The following PCED1A variants were observed in gnomAD, a reference collection of about 807,000 sequenced individuals.
PCED1A encodes PC-esterase domain-containing protein 1A.
A neutral mutation model predicts 41.9 loss-of-function variants in PCED1A; 20 were observed. The ratio of observed to expected loss-of-function variants is 0.48; its 90% CI spans 0.34 to 0.69. The LOEUF is 0.69. Among genes scored for constraint, PCED1A ranks in the 30% least tolerant of loss-of-function variants. The pLI is 0.01. For synonymous variants in PCED1A, 236 were observed against 241.3 expected (o/e 0.98, Z 0.20); for missense variants, 498 against 602.1 (o/e 0.83, Z 1.81).
chr20:2,835,440 C>A lies in PCED1A; in HGVS notation c.*22G>T. On this transcript the variant is annotated 3_prime_UTR_variant, in exon 8 of 8. Coordinates refer to ENST00000360652, the MANE Select transcript of PCED1A (RefSeq NM_022760.6). Reference sequence around the variant, plus strand: ...GGCCCTGAAGGGCCATTGGCACATCCAGTCCCAGCCCAAGATCCAGTCTAC... The same window carrying A: ...GGCCCTGAAGGGCCATTGGCACATCAAGTCCCAGCCCAAGATCCAGTCTAC... The A allele has an allele frequency of 6.3e-7, 1 of 1,588,720 alleles. No individual in the cohort carries two copies. The highest frequency in any genetic ancestry group is 1.1e-5 in the South Asian group (1 of 87,752).
rs367705988 is a variant in PCED1A, at chr20:2,839,745, G to A, written c.124+44C>T. The A allele has an allele frequency of 1.8e-4, 283 of 1,606,972 alleles. 2 individuals are homozygous for A. The Middle Eastern group carries it at 2.6e-3, about 15-fold the overall frequency. On this transcript the variant is annotated intron_variant, in intron 2 of 7. Coordinates refer to ENST00000360652, the MANE Select transcript of PCED1A (RefSeq NM_022760.6). ...ATGGTCCAGACACACTGAACGGGCT[G>A]CAAGGTGTGGGACTGGAAGCGTCAC...
At chr20:2,839,989 T>A in intron 1 of PCED1A, 56 bp from the exon 2 acceptor site, 1 of 1,526,020 alleles carries the variant, frequency 6.6e-7, no homozygotes, top group Non-Finnish European at 8.8e-7. Context: ...CAGGTCAGCC[T>A]CAGGGCTAGC....
Position 2,835,557 on chromosome 20 carries a change from G to A in PCED1A, c.1270C>T (p.Pro424Ser), listed in dbSNP as rs371156741. 8.6e-5 allele frequency: 138 copies of A among 1,613,936 alleles called. No individual in the cohort carries two copies. The highest frequency in any genetic ancestry group is 1.1e-4 in the Non-Finnish European group (130 of 1,179,992). The part of the protein sequence containing the change: ...SPYHVRRMGG[P>S]CRQRLRHSER... The stretch of plus-strand genomic sequence containing the variant: ...GAGTGTCTGAGCCGCTGCCTGCAGG[G>A]CCCCCCCATTCTCCGCACATGGTAG... The change falls in exon 8 of 8, where the codon CCC becomes TCC. Residue 424 changes from proline to serine, a missense_variant. Around this residue, in one of 2 missense-constraint regions of PCED1A, gnomAD observed 245 missense variants for 232.4 expected, o/e 1.05. Coordinates refer to ENST00000360652, the MANE Select transcript of PCED1A (RefSeq NM_022760.6).
At chr20:2,840,090 G>A (rs2088928817) in intron 1 of PCED1A, 121 bp downstream of exon 1, 1 of 720,742 alleles carries the variant, frequency 1.4e-6, no homozygotes, top group South Asian at 2.3e-5. Flanking sequence ...ACCAGAGGCA[G>A]GGGGTCGTCC....
chr20:2,836,107 T>C lies in PCED1A; in HGVS notation c.1049A>G (p.Gln350Arg). ...LPQDTPFFPG[Q>R]PFPPHEFFNY... ...GAAGAATTCATGGGGTGGGAAGGGC[T>C]GGCCTGGGAAAAAAGGGGTATCCTG... The change falls in exon 7 of 8, where the codon CAG becomes CGG. Residue 350 changes from glutamine (Q) to arginine (R), a missense_variant. Around this residue, in one of 2 missense-constraint regions of PCED1A, gnomAD observed 245 missense variants for 232.4 expected, o/e 1.05. Coordinates refer to ENST00000360652, the MANE Select transcript of PCED1A (RefSeq NM_022760.6). 4 of 1,469,128 alleles carry C rather than the reference T, an allele frequency of 2.7e-6. No homozygotes were observed. The highest frequency in any genetic ancestry group is 3.6e-6 in the Non-Finnish European group (4 of 1,104,482). The allele number at this position is 1,469,128 out of a possible 1,614,324, so 91.0% of individuals were successfully genotyped here.
intron 6 of PCED1A, among the ~76,000 whole-genome samples, chr20:2,837,831 C>T (rs1022341029): frequency 1.3e-5 from 2 of 152,278 alleles, no homozygotes; most frequent in Admixed American, 1.3e-4. Context: ...TGACTGTACC[C>T]CCACCCCCCA....
intron 7 of PCED1A, 50 bp downstream of exon 7, chr20:2,835,989 G>A (rs898702235): frequency 1.4e-6 from 2 of 1,455,598 alleles, no homozygotes; most frequent in Admixed American, 2.8e-5. Context: ...GGCATAGGAG[G>A]CTGGGTAAGG....
intron 7 of PCED1A, 87 bp downstream of exon 7, chr20:2,835,952 G>A: frequency 6.9e-7 from 1 of 1,449,190 alleles, no homozygotes; most frequent in Non-Finnish European, 9.1e-7. Flanking sequence ...GGCACAAGGA[G>A]CTACCCAACT....
Position 2,838,395 on chromosome 20 carries a change from A to G in PCED1A, c.678T>C (p.Phe226=). 6.2e-7 allele frequency: 1 copy of G among 1,614,224 alleles called. No homozygotes were observed. The highest frequency in any genetic ancestry group is 8.5e-7 in the Non-Finnish European group (1 of 1,180,036). Residue 226 remains phenylalanine, a synonymous_variant, in exon 6 of 8, where the codon TTT becomes TTC. Transcript: ENST00000360652. The surrounding 1 kb of genome is among the most constrained non-coding windows in gnomAD (Gnocchi z 5.8). ...AGTGAAAGTGGAGGTCTAGGACATC[A>G]AAGCAGTGGTCCCCGGCCAGCGTAG... is the stretch of plus-strand genomic sequence containing the variant. The part of the protein sequence containing the change: ...YSATLAGDHC[F]DVLDLHFHFR...
chr20:2,836,252 G>A lies in PCED1A; in HGVS notation c.904C>T (p.Pro302Ser). The A allele has an allele frequency of 1.9e-6, 3 of 1,614,136 alleles. No individual in the cohort carries two copies. Among genetic ancestry groups the A allele is most frequent in the Admixed American group, 1.7e-5 (1 of 60,016 alleles). The change falls in exon 7 of 8, where the codon CCA becomes TCA. Residue 302 changes from proline (P) to serine (S), a missense_variant. Coordinates refer to ENST00000360652, the MANE Select transcript of PCED1A (RefSeq NM_022760.6). The stretch of plus-strand genomic sequence containing the variant: ...AAGGCCAGGTGCTCCCCGAAGTCTG[G>A]GGTCTGCCTATGGCTTCCCTGGAAT... ...HPFQGSHRQTPDFGEHLALLP... is the reference protein window; with the variant it reads ...HPFQGSHRQTSDFGEHLALLP...
At position 2,839,085 on chromosome 20, in the gene PCED1A, A is replaced by AGGGGGCCCC; in HGVS notation, c.205-4_205-3insGGGGCCCCC. 1 of 491,572 alleles carries AGGGGGCCCC rather than the reference A, an allele frequency of 2.0e-6. No individual in the cohort carries two copies. 30.5% of individuals were successfully genotyped at this position (491,572 alleles called of 1,614,324 possible). A position where few individuals can be genotyped will look rare whatever the true frequency, so the allele number is the denominator to read the frequency against. The stretch of plus-strand genomic sequence containing the variant: ...TCCTGTTCAAAGCTCAGCTCCCCCT[A>AGGGGGCCCC]CCCACCCCCCCCACCCTACTGGTCA... On this transcript the variant is annotated splice_region_variant and splice_polypyrimidine_tract_variant and intron_variant, in intron 3 of 7. Transcript: ENST00000360652.
At position 2,835,465 on chromosome 20, in the gene PCED1A, C is replaced by T. The variant is rs1275711888; in HGVS notation, c.1362G>A (p.Gly454=). Residue 454 remains glycine (G), a synonymous_variant, in exon 8 of 8, where the codon GGG becomes GGA. Coordinates refer to ENST00000360652, the MANE Select transcript of PCED1A (RefSeq NM_022760.6). ...RPPAHSGTWP[G] is the part of the protein sequence containing the mutation. ...CAGTCCCAGCCCAAGATCCAGTCTA[C>T]CCAGGCCATGTCCCCGAATGGGCAG... 1 of 1,608,080 alleles carries T rather than the reference C, an allele frequency of 6.2e-7. No individual in the cohort carries two copies. Among genetic ancestry groups the T allele is most frequent in the East Asian group, 2.2e-5 (1 of 44,744 alleles).
At chr20:2,840,105 A>G in intron 1 of PCED1A, 106 bp downstream of exon 1, 1 of 614,274 alleles carries the variant, frequency 1.6e-6, no homozygotes, top group Non-Finnish European at 2.6e-6. Flanking sequence ...TCGTCCAGCC[A>G]GCAGGCCTCC....
rs1413209901 is a variant in PCED1A at position 2,835,359 on chromosome 20, C to A, written c.*103G>T. 2 of 1,403,492 alleles carry A rather than the reference C, an allele frequency of 1.4e-6. No homozygotes were observed. Among genetic ancestry groups the A allele is most frequent in the African/African-American group, 2.9e-5 (2 of 68,518 alleles). The allele number at this position is 1,403,492 out of a possible 1,614,324, so 86.9% of individuals were successfully genotyped here. A position where few individuals can be genotyped will look rare whatever the true frequency, so the allele number is the denominator to read the frequency against. On this transcript the variant is annotated 3_prime_UTR_variant, in exon 8 of 8. Transcript: ENST00000360652. ...TGCCTTTATTGGTGACAGCAATGGA[C>A]AAGAACAATACCAGGCATAGCAGAC... is the stretch of plus-strand genomic sequence containing the variant.
chr20:2,839,895 C>G lies in PCED1A; in HGVS notation c.18G>C (p.Ser6=), dbSNP rs202078370. Residue 6 remains serine (S), a synonymous_variant, in exon 2 of 8, where the codon TCG becomes TCC. Transcript: ENST00000360652. ...GCAGCGGGCGGCGCGGCTCCTCGCT[C>G]GACAGACAGAAGACCATGCCGCCAC... MVFCL[S]SEEPRRPLRS... The G allele has an allele frequency of 9.3e-6, 15 of 1,613,024 alleles. No individual in the cohort carries two copies. In the East Asian group the frequency reaches 3.1e-4, roughly 34 times the overall value.
chr20:2,839,738 A>C lies in PCED1A; in HGVS notation c.124+51T>G, dbSNP rs769282570. On this transcript the variant is annotated intron_variant, in intron 2 of 7. Transcript: ENST00000360652. ...GAAACAAATGGTCCAGACACACTGA[A>C]CGGGCTGCAAGGTGTGGGACTGGAA... 1.0e-5 allele frequency: 16 copies of C among 1,603,180 alleles called. No individual in the cohort carries two copies. The Admixed American group carries it at 2.7e-4, about 27-fold the overall frequency.
chr20:2,839,583 G>C (rs1254432324), intron 2 of PCED1A, among the ~76,000 whole-genome samples: 1 of 152,204 alleles, frequency 6.6e-6, no homozygotes, highest in African/African-American at 2.4e-5. Flanking sequence ...GAGAAATGCT[G>C]AGCAAGGATG....
intron 1 of PCED1A, 119 bp downstream of exon 1, chr20:2,840,092 G>A: frequency 4.3e-6 from 3 of 693,612 alleles, no homozygotes; most frequent in East Asian, 3.3e-5. Flanking sequence ...CAGAGGCAGG[G>A]GGTCGTCCAG....
chr20:2,839,361 G>A (rs898151979), intron 2 of PCED1A, 90 bp from the exon 3 acceptor site: 11 of 1,203,122 alleles, frequency 9.1e-6, no homozygotes, highest in Non-Finnish European at 1.3e-5. Context: ...CCAGGGCTGA[G>A]GTGCCCGACA....
Sources: gnomAD v4.1 joint callset for allele counts (sites outside exome capture counted in the v4.1 genomes callset) on GRCh38, gnomAD v4.1.1 for gene constraint, gnomAD v4.1.1 regional missense constraint, Gnocchi (gnomAD v3.1) non-coding constraint, MANE v1.5 for transcripts, NCBI Gene and HGNC (gene_info 2026-07-23, HGNC 2026-07-21) for gene names.